The following ADAMTS17 variants were observed in gnomAD, a reference collection of about 807,000 sequenced individuals.
ADAMTS17 encodes the protein ADAM metallopeptidase with thrombospondin type 1 motif 17.
A neutral mutation model predicts 141.5 loss-of-function variants in ADAMTS17; 113 were observed. The ratio of observed to expected loss-of-function variants is 0.80; its 90% CI spans 0.69 to 0.93. The LOEUF is 0.93. Among genes scored for constraint, ADAMTS17 ranks in the 40% least tolerant of loss-of-function variants. The pLI, the probability that ADAMTS17 is intolerant of heterozygous loss-of-function variation, is 0.00. For missense variants in ADAMTS17, 1,659 were observed against 1,517.9 expected (o/e 1.09, Z -1.54); for synonymous variants, 768 against 630.6 (o/e 1.22, Z -3.27).
At chr15:100,232,286 G>C (rs2042507901) in intron 7 of ADAMTS17, among the ~76,000 whole-genome samples, 1 of 152,196 alleles carries the variant, frequency 6.6e-6, no homozygotes, top group South Asian at 2.1e-4. Context: ...CTGCAGCATG[G>C]AGCCAGGGTG....
chr15:100,188,035 G>A (rs1350708817), intron 8 of ADAMTS17, among the ~76,000 whole-genome samples: 1 of 152,008 alleles, frequency 6.6e-6, no homozygotes, highest in Non-Finnish European at 1.5e-5. Flanking sequence ...AATGAGTTGC[G>A]ATCACACCAC....
intron 12 of ADAMTS17, among the ~76,000 whole-genome samples, chr15:100,125,521 C>T (rs1169520405): frequency 2.6e-5 from 4 of 152,190 alleles, no homozygotes; most frequent in Non-Finnish European, 5.9e-5. Flanking sequence ...CAGCTCTGCA[C>T]TCCACTCTCC....
intron 3 of ADAMTS17, chr15:100,306,494 G>T (rs143566966): frequency 2.2e-6 from 1 of 455,938 alleles, no homozygotes; most frequent in African/African-American, 2.0e-5. Context: ...CCACCTCCAG[G>T]CCAGACACAT....
intron 7 of ADAMTS17, among the ~76,000 whole-genome samples, chr15:100,230,251 C>T (rs1012111041): frequency 6.6e-6 from 1 of 152,206 alleles, no homozygotes; most frequent in Non-Finnish European, 1.5e-5. Context: ...CTTGCAGACC[C>T]CTATCTTTGT....
chr15:100,196,310 T>C (rs551615160), intron 8 of ADAMTS17, among the ~76,000 whole-genome samples: 1 of 152,366 alleles, frequency 6.6e-6, no homozygotes, highest in South Asian at 2.1e-4. Flanking sequence ...GATGAGTTAA[T>C]TGCTGAAAAT....
chr15:100,217,941 TA>T (rs1210565724), intron 7 of ADAMTS17, among the ~76,000 whole-genome samples: 1 of 152,224 alleles, frequency 6.6e-6, no homozygotes, highest in Non-Finnish European at 1.5e-5. Context: ...ACTGCAGTGC[TA>T]CAATCAGTGC....
At chr15:100,331,948 A>C (rs1034250910) in intron 2 of ADAMTS17, among the ~76,000 whole-genome samples, 3 of 150,894 alleles carry the variant, frequency 2.0e-5, no homozygotes, top group African/African-American at 7.4e-5. Flanking sequence ...AGTCTCAAGT[A>C]TAAAACTCAC....
chr15:100,329,982 A>T (rs1056045683), intron 3 of ADAMTS17, among the ~76,000 whole-genome samples: 2 of 152,242 alleles, frequency 1.3e-5, no homozygotes, highest in African/African-American at 4.8e-5. Context: ...TCATACAAAG[A>T]TAAGTCTTTA....
rs139105066 is a variant in ADAMTS17, at chr15:99,997,448, C to A, written c.2733G>T (p.Ala911=). 7.4e-6 allele frequency: 12 copies of A among 1,613,504 alleles called. No individual in the cohort carries two copies. The Admixed American group carries it at 2.0e-4, about 27-fold the overall frequency. The change falls in exon 19 of 22, where the codon GCG becomes GCT. Residue 911 remains alanine, a synonymous_variant. Coordinates refer to ENST00000268070, the MANE Select transcript of ADAMTS17 (RefSeq NM_139057.4). The surrounding 1 kb of genome is among the most constrained non-coding windows in gnomAD (Gnocchi z 4.7). ...RPLYCPGPRP[A]AVQSCEGQDC... ...CCTGGCCTTCACAGCTCTGCACTGC[C>A]GCCGGCCGGGGGCCCGGGCAGTAGA...
At chr15:100,159,362 A>T (rs1401838099) in intron 8 of ADAMTS17, among the ~76,000 whole-genome samples, 2 of 152,196 alleles carry the variant, frequency 1.3e-5, no homozygotes, top group Non-Finnish European at 2.9e-5. Context: ...TCAGCTTTTT[A>T]TTTTCTTCTA....
In ADAMTS17 at chr15:100,131,887, A is replaced by G. The variant is rs113935043; in HGVS notation, c.1721+120T>C. 6.2e-4 allele frequency: 940 copies of G among 1,509,974 alleles called. 5 individuals are homozygous for G. In the African/African-American group the frequency reaches 9.6e-3, roughly 15 times the overall value. The allele number at this position is 1,509,974 out of a possible 1,614,324, so 93.5% of individuals were successfully genotyped here. On this transcript the variant is annotated intron_variant, in intron 12 of 21. Transcript: ENST00000268070. ...GCACCCTGGACCTTGGCTGGGTTTC[A>G]TTTTCCATATCTTCTAATGCTCAGC...
rs2060379151 is a variant in ADAMTS17 at position 99,977,390 on chromosome 15, ATATATATATAATTT to A, written c.2950-1182_2950-1169del. ...TATATATATATATATATATATATAT[ATATATATATAATTT>A]TTTTTTTTTTTTTTTTTTTTTTTTT... On this transcript the variant is annotated intron_variant, in intron 20 of 21. Coordinates refer to ENST00000268070, the MANE Select transcript of ADAMTS17 (RefSeq NM_139057.4). Among the ~76,000 whole-genome samples the A allele has an allele frequency of 3.5e-4, 3 of 8,492 alleles. 1 individual carries two copies. Among genetic ancestry groups the A allele is most frequent in the Admixed American group, 2.2e-3 (2 of 910 alleles). 5.6% of individuals were successfully genotyped at this position (8,492 alleles called of 152,430 possible).
intron 7 of ADAMTS17, among the ~76,000 whole-genome samples, chr15:100,223,869 A>T (rs867331728): frequency 6.6e-6 from 1 of 152,000 alleles, no homozygotes; most frequent in Non-Finnish European, 1.5e-5. Context: ...TTATACATTC[A>T]CAAGGTCCCC....
intron 8 of ADAMTS17, among the ~76,000 whole-genome samples, chr15:100,164,553 G>A (rs2039870806): frequency 6.6e-6 from 1 of 152,214 alleles, no homozygotes; most frequent in African/African-American, 2.4e-5. Context: ...AGGCACAGTG[G>A]AGAAGAATGG....
chr15:99,980,916 C>T (rs566246316), intron 20 of ADAMTS17: 12 of 152,412 alleles, frequency 7.9e-5, no homozygotes, highest in Admixed American at 2.6e-4. Context: ...ACATGTGGCA[C>T]GTCTCCAGCA....
At chr15:100,107,192 C>T (rs757978136) in intron 14 of ADAMTS17, among the ~76,000 whole-genome samples, 12 of 152,190 alleles carry the variant, frequency 7.9e-5, no homozygotes, top group Non-Finnish European at 1.3e-4. Context: ...TTATGCCTTG[C>T]CTCCTCTTGT....
Position 100,154,019 on chromosome 15 carries a change from A to T in ADAMTS17, c.1322+1161T>A, listed in dbSNP as rs575083786. On this transcript the variant is annotated intron_variant, in intron 9 of 21. Transcript: ENST00000268070. Reference sequence around the variant, plus strand: ...AACATGGCGAAACCCCATCTCTACTAAAAATACAAAAATTATCCGGGTGTG... The same window carrying T: ...AACATGGCGAAACCCCATCTCTACTTAAAATACAAAAATTATCCGGGTGTG... Among the ~76,000 whole-genome samples the T allele has an allele frequency of 3.9e-5, 6 of 152,292 alleles. No individual in the cohort carries two copies. In the East Asian group the frequency reaches 1.2e-3, roughly 29 times the overall value.
chr15:100,059,177 G>A (rs1302723247), intron 15 of ADAMTS17, among the ~76,000 whole-genome samples: 3 of 152,222 alleles, frequency 2.0e-5, no homozygotes, highest in African/African-American at 7.2e-5. Context: ...ATGAGTTGGA[G>A]AACTCCTGCA....
At chr15:100,067,659 G>A (rs2033638589) in intron 15 of ADAMTS17, among the ~76,000 whole-genome samples, 1 of 151,802 alleles carries the variant, frequency 6.6e-6, no homozygotes. Context: ...TATTTACCCT[G>A]CTTGGATGAC....
Sources: allele counts gnomAD v4.1 joint callset (sites outside exome capture counted in the v4.1 genomes callset), GRCh38; gene constraint gnomAD v4.1.1; non-coding constraint Gnocchi (gnomAD v3.1); transcripts MANE v1.5; gene names NCBI Gene and HGNC (gene_info 2026-07-23, HGNC 2026-07-21).